ERGIC2: variants seen among roughly 807,000 people sequenced by gnomAD.
ERGIC2 encodes the protein ERGIC and golgi 2, also known as endoplasmic reticulum-Golgi intermediate compartment protein 2.
In ERGIC2, 31 loss-of-function variants were observed where a neutral mutation model predicts 52.5. The observed-to-expected ratio is 0.59, with a 90% CI of 0.44 to 0.80. ERGIC2 has a LOEUF of 0.80. Ranked by LOEUF, ERGIC2 falls within the 30% of genes least tolerant of loss-of-function variation. The pLI is 0.00. For missense variants in ERGIC2, 395 were observed against 455.2 expected (o/e 0.87, Z 1.20); for synonymous variants, 129 against 140.6 (o/e 0.92, Z 0.58).
chr12:29,380,832 G>A (rs1447796639), intron 1 of ERGIC2: 2 of 152,286 alleles, frequency 1.3e-5, no homozygotes, highest in African/African-American at 4.8e-5. Flanking sequence ...GTCAGAATCA[G>A]GTGCGATCGA....
At chr12:29,347,235 G>A (rs1940065501) in intron 10 of ERGIC2, among the ~76,000 whole-genome samples, 1 of 152,150 alleles carries the variant, frequency 6.6e-6, no homozygotes, top group South Asian at 2.1e-4. Flanking sequence ...CTCTTAAACA[G>A]CTCTGTCTTC....
At position 29,343,120 on chromosome 12, in the gene ERGIC2, C is replaced by G; in HGVS notation, c.988G>C (p.Gly330Arg). 2.5e-6 allele frequency: 4 copies of G among 1,586,586 alleles called. No homozygotes were observed. Among genetic ancestry groups the G allele is most frequent in the Non-Finnish European group, 3.4e-6 (4 of 1,165,830 alleles). ...GIVGGIFSTTGMLHGIGKFIV... is the reference protein window; with the variant it reads ...GIVGGIFSTTRMLHGIGKFIV... ...AGACAAAAAGGAAATGGTTGTTAAC[C>G]TGTTGTTGAAAAGATTCCTCCAACA... is the stretch of plus-strand genomic sequence containing the variant. The change falls in exon 12 of 14, where the codon GGC becomes CGC. Residue 330 changes from glycine to arginine, a missense_variant and splice_region_variant. Coordinates refer to ENST00000360150, the MANE Select transcript of ERGIC2 (RefSeq NM_016570.3).
In ERGIC2 at chr12:29,345,439, T is replaced by G. The variant is rs1209841531; in HGVS notation, c.825+4A>C. 6.6e-7 allele frequency: 1 copy of G among 1,514,490 alleles called. No individual in the cohort carries two copies. Among genetic ancestry groups the G allele is most frequent in the Admixed American group, 1.7e-5 (1 of 58,830 alleles). 93.8% of individuals were successfully genotyped at this position (1,514,490 alleles called of 1,614,324 possible). On this transcript the variant is annotated splice_donor_region_variant and intron_variant, in intron 11 of 13. Coordinates refer to ENST00000360150, the MANE Select transcript of ERGIC2 (RefSeq NM_016570.3). Reference sequence around the variant, plus strand: ...AATTATTTTACCGGTTGGATTCAACTTACCCTTTCTGTCACAGAAAACTGA... The same window carrying G: ...AATTATTTTACCGGTTGGATTCAACGTACCCTTTCTGTCACAGAAAACTGA...
At chr12:29,353,297 G>A (rs1434557323) in intron 8 of ERGIC2, among the ~76,000 whole-genome samples, 1 of 152,122 alleles carries the variant, frequency 6.6e-6, no homozygotes, top group African/African-American at 2.4e-5. Flanking sequence ...CTACTAAAAA[G>A]AAAGTCTACT....
intron 3 of ERGIC2, among the ~76,000 whole-genome samples, chr12:29,369,131 G>T (rs1203371089): frequency 6.6e-6 from 1 of 151,890 alleles, no homozygotes. Flanking sequence ...TTCAAACTGT[G>T]TTCCAAATAA....
chr12:29,370,483 T>G (rs1173281049), intron 2 of ERGIC2, among the ~76,000 whole-genome samples: 1 of 151,962 alleles, frequency 6.6e-6, no homozygotes, highest in Non-Finnish European at 1.5e-5. Flanking sequence ...TTTCTCCAAT[T>G]TTAAGGGCAT....
At position 29,338,248 on chromosome 12, in the gene ERGIC2, T is replaced by G. The variant is rs1422913722; in HGVS notation, c.*2908A>C. 6.6e-6 allele frequency: 1 copy of G among 151,872 alleles called. No homozygotes were observed. The highest frequency in any genetic ancestry group is 2.4e-5 in the African/African-American group (1 of 41,330). The allele number at this position is 151,872 out of a possible 1,614,324, so 9.4% of individuals were successfully genotyped here. ...AAAATTAAGATTGTATTAAAGACTG[T>G]AAATCTTGTTTGCATTAGTAAATTT... On this transcript the variant is annotated 3_prime_UTR_variant, in exon 14 of 14. Coordinates refer to ENST00000360150, the MANE Select transcript of ERGIC2 (RefSeq NM_016570.3).
chr12:29,364,970 G>A (rs922456455), intron 5 of ERGIC2, among the ~76,000 whole-genome samples: 1 of 151,764 alleles, frequency 6.6e-6, no homozygotes, highest in African/African-American at 2.4e-5. Context: ...AAAAGATGTT[G>A]GAGAGGCTGT....
At chr12:29,359,363 C>T (rs140088884) in intron 6 of ERGIC2, among the ~76,000 whole-genome samples, 3 of 151,856 alleles carry the variant, frequency 2.0e-5, no homozygotes, top group African/African-American at 7.2e-5. Flanking sequence ...TTGATGACAA[C>T]AAACTATACA....
rs976846498 is a variant in ERGIC2 at position 29,356,562 on chromosome 12, C to A, written c.477-85G>T. On this transcript the variant is annotated intron_variant, in intron 7 of 13. Transcript: ENST00000360150. The stretch of plus-strand genomic sequence containing the variant: ...GAAAAATGTGTATAGAAAAAAAAAT[C>A]CCTAAAGATCATTTTTTAGGTAATA... 8 of 656,470 alleles carry A rather than the reference C, an allele frequency of 1.2e-5. No individual in the cohort carries two copies. In the African/African-American group the frequency reaches 1.3e-4, roughly 11 times the overall value. 40.7% of individuals were successfully genotyped at this position (656,470 alleles called of 1,614,324 possible).
At chr12:29,345,566 C>G (rs775527664) in intron 10 of ERGIC2, 26 bp from the exon 11 acceptor site, 21 of 1,222,002 alleles carry the variant, frequency 1.7e-5, no homozygotes, top group Non-Finnish European at 2.4e-6. Flanking sequence ...AACTTTTTAT[C>G]AATTCAGTAG....
At chr12:29,370,022 C>A in intron 3 of ERGIC2, 92 bp downstream of exon 3, 1 of 1,199,494 alleles carries the variant, frequency 8.3e-7, no homozygotes. Flanking sequence ...CAAACCAAAT[C>A]TAGAAGGTTA....
At chr12:29,369,340 G>T (rs548756443) in intron 3 of ERGIC2, among the ~76,000 whole-genome samples, 10 of 152,056 alleles carry the variant, frequency 6.6e-5, no homozygotes, top group African/African-American at 2.4e-4. Flanking sequence ...CATTAGAGAT[G>T]AAGAAACTGA....
At chr12:29,375,005 C>A (rs971862798) in intron 1 of ERGIC2, among the ~76,000 whole-genome samples, 1 of 152,248 alleles carries the variant, frequency 6.6e-6, no homozygotes, top group African/African-American at 2.4e-5. Flanking sequence ...TCCTGCTAAC[C>A]TCTCTTCAAA....
At chr12:29,379,178 A>G (rs1015415178) in intron 1 of ERGIC2, among the ~76,000 whole-genome samples, 32 of 152,178 alleles carry the variant, frequency 2.1e-4, no homozygotes, top group African/African-American at 6.0e-4. Context: ...CAACTAGACT[A>G]TAGTAGCTCT....
intron 4 of ERGIC2, among the ~76,000 whole-genome samples, chr12:29,367,574 C>T (rs993518492): frequency 1.3e-5 from 2 of 151,756 alleles, no homozygotes; most frequent in African/African-American, 4.8e-5. Flanking sequence ...GAGATAGAAT[C>T]TCACAGAAAA....
chr12:29,355,010 TA>T (rs1272947550), intron 8 of ERGIC2, among the ~76,000 whole-genome samples: 1 of 152,196 alleles, frequency 6.6e-6, no homozygotes, highest in African/African-American at 2.4e-5. Flanking sequence ...CTGAGTATTG[TA>T]AATACTGAAA....
At position 29,356,439 on chromosome 12, in the gene ERGIC2, A is replaced by G; in HGVS notation, c.515T>C (p.Ile172Thr). 1 of 1,603,884 alleles carries G rather than the reference A, an allele frequency of 6.2e-7. No homozygotes were observed. Among genetic ancestry groups the G allele is most frequent in the South Asian group, 1.1e-5 (1 of 90,846 alleles). ...TTTATTGACATATAGATGGCCATGA[A>G]TTCTGCATGCATTTGGAGACTGTGA... ...DSSQSPNACR[I>T]HGHLYVNKVA... Residue 172 changes from isoleucine (I) to threonine (T), a missense_variant, in exon 8 of 14, where the codon ATT becomes ACT. By Grantham distance (89) the Ile-to-Thr change is moderately conservative (BLOSUM62 -1). Transcript: ENST00000360150.
rs1414903648 is a variant in ERGIC2 at position 29,358,458 on chromosome 12, A to AC, written c.375-735dup. Among the ~76,000 whole-genome samples, 4 of 152,288 alleles carry AC rather than the reference A, an allele frequency of 2.6e-5. No individual in the cohort carries two copies. The East Asian group carries it at 7.7e-4, about 29-fold the overall frequency. ...CATTCTGTATGGCAGTATGGTAGAT[A>AC]CATGTCCTTATACATTTGTCAGAAC... On this transcript the variant is annotated intron_variant, in intron 6 of 13. Transcript: ENST00000360150.
Sources: allele counts gnomAD v4.1 joint callset (sites outside exome capture counted in the v4.1 genomes callset), GRCh38; gene constraint gnomAD v4.1.1; transcripts MANE v1.5; gene names NCBI Gene and HGNC (gene_info 2026-07-23, HGNC 2026-07-21).